The following CST7 variants were observed in gnomAD, a reference collection of about 807,000 sequenced individuals.
CST7 encodes cystatin-F.
CST7 carries 15 observed loss-of-function variants against 13.1 expected under a neutral mutation model. The observed-to-expected ratio is 1.14, with a 90% CI of 0.77 to 1.76. The LOEUF is 1.76. Among genes scored for constraint, CST7 ranks in the 40% most tolerant of loss-of-function variants. The pLI is 0.00. For synonymous variants in CST7, 75 were observed against 66.9 expected (o/e 1.12, Z -0.59); for missense variants, 193 against 178.8 (o/e 1.08, Z -0.45).
Position 24,949,495 on chromosome 20 carries a change from C to A in CST7, c.-11C>A. ...CCCCAACTGCCCCGCACTGTCCCTA[C>A]CCGGGCAGCCATGCGAGCGGCTGGA... On this transcript the variant is annotated 5_prime_UTR_variant, in exon 1 of 4. Transcript: ENST00000480798. 6.2e-7 allele frequency: 1 copy of A among 1,614,122 alleles called. No individual in the cohort carries two copies.
At chr20:24,957,494 A>G (rs1471244481) in intron 2 of CST7, 35 bp downstream of exon 2, 1 of 1,597,714 alleles carries the variant, frequency 6.3e-7, no homozygotes, top group East Asian at 2.2e-5. Context: ...TATCACGGAC[A>G]CCCCTAGGAA....
intron 1 of CST7, among the ~76,000 whole-genome samples, chr20:24,955,052 C>CAA (rs758262037): frequency 1.4e-5 from 1 of 72,270 alleles, no homozygotes. Context: ...ACAACAACAA[C>CAA]AACAAAAAAA....
At position 24,954,355 on chromosome 20, in the gene CST7, C is replaced by T. The variant is rs574038500; in HGVS notation, c.71-2932C>T. 3.2e-4 allele frequency among the ~76,000 whole-genome samples: 49 copies of T among 152,308 alleles called. No individual in the cohort carries two copies. The South Asian group carries it at 5.6e-3, about 17-fold the overall frequency. The stretch of plus-strand genomic sequence containing the variant: ...CTCCCGCTCCCTGCCTTCAGTTGCA[C>T]GGAGCAAACCCAGAGCCCCCTCCCT... On this transcript the variant is annotated intron_variant, in intron 1 of 3. Transcript: ENST00000480798.
intron 3 of CST7, among the ~76,000 whole-genome samples, chr20:24,959,413 CAG>C (rs1404635924): frequency 6.6e-6 from 1 of 152,046 alleles, no homozygotes; most frequent in East Asian, 1.9e-4. Flanking sequence ...CATATCTCTG[CAG>C]AGAGAGCAAG....
At chr20:24,951,302 G>A (rs187556626) in intron 1 of CST7, among the ~76,000 whole-genome samples, 144 of 152,304 alleles carry the variant, frequency 9.5e-4, no homozygotes, top group Middle Eastern at 6.8e-3. Flanking sequence ...GAGGTGGCTC[G>A]GGGAAGGCAC....
Position 24,949,276 on chromosome 20 carries a change from C to T in CST7, c.-230C>T, listed in dbSNP as rs2087803596. 7 of 1,335,532 alleles carry T rather than the reference C, an allele frequency of 5.2e-6. No individual in the cohort carries two copies. The highest frequency in any genetic ancestry group is 6.0e-6 in the Non-Finnish European group (6 of 994,698). 82.7% of individuals were successfully genotyped at this position (1,335,532 alleles called of 1,614,324 possible). ...CCTGGGCTGGGACAGCCCACTGTTC[C>T]ATGCTGCCCAAGAAGGCTCAGCACA... On this transcript the variant is annotated 5_prime_UTR_variant, in exon 1 of 4. Transcript: ENST00000480798.
Position 24,959,715 on chromosome 20 carries a change from C to T in CST7, c.*3C>T. The T allele has an allele frequency of 6.2e-7, 1 of 1,613,850 alleles. No homozygotes were observed. Among genetic ancestry groups the T allele is most frequent in the Non-Finnish European group, 8.5e-7 (1 of 1,179,854 alleles). On this transcript the variant is annotated 3_prime_UTR_variant, in exon 4 of 4. Coordinates refer to ENST00000480798, the MANE Select transcript of CST7 (RefSeq NM_003650.4). ...TGCCTGTTCTCCGTTGTCACTGACC[C>T]CCGCCTCTTCAGCAAGACCACAGCC...
Position 24,958,918 on chromosome 20 carries a change from C to T in CST7, c.244-10C>T. ...TGTGCCCAGTAACCCAGTCCCTTTG[C>T]TCCCTCCAGATAGTGAAAGGCCTGA... On this transcript the variant is annotated splice_polypyrimidine_tract_variant and intron_variant, in intron 2 of 3. Coordinates refer to ENST00000480798, the MANE Select transcript of CST7 (RefSeq NM_003650.4). The T allele has an allele frequency of 6.2e-7, 1 of 1,602,006 alleles. No individual in the cohort carries two copies. Among genetic ancestry groups the T allele is most frequent in the African/African-American group, 1.3e-5 (1 of 74,914 alleles).
At chr20:24,956,739 C>T (rs112507392) in intron 1 of CST7, among the ~76,000 whole-genome samples, 3 of 152,016 alleles carry the variant, frequency 2.0e-5, no homozygotes, top group African/African-American at 4.8e-5. Context: ...ACGAGGACGG[C>T]GCCATCTCCT....
At chr20:24,950,037 A>G (rs968059427) in intron 1 of CST7, among the ~76,000 whole-genome samples, 6 of 151,766 alleles carry the variant, frequency 4.0e-5, no homozygotes, top group African/African-American at 1.5e-4. Flanking sequence ...CCTGAAATCC[A>G]CTCCCTGAGG....
intron 3 of CST7, 141 bp downstream of exon 3, chr20:24,959,185 C>A (rs1488843370): frequency 4.4e-6 from 3 of 687,826 alleles, no homozygotes; most frequent in Non-Finnish European, 7.6e-6. Context: ...TCCCAGACTC[C>A]CGCACGACTG....
intron 1 of CST7, among the ~76,000 whole-genome samples, chr20:24,955,032 A>T (rs1455535911): frequency 1.5e-5 from 2 of 134,168 alleles, no homozygotes; most frequent in Non-Finnish European, 3.1e-5. Context: ...TGAGGAAAGA[A>T]AGCAAAACAA....
chr20:24,949,576 G>C lies in CST7; in HGVS notation c.70+1G>C, dbSNP rs758677555. On this transcript the variant is annotated splice_donor_variant, in intron 1 of 3. Coordinates refer to ENST00000480798, the MANE Select transcript of CST7 (RefSeq NM_003650.4). LOFTEE classifies it high-confidence loss of function. ...AGCACCACTGGGGGCCCTTCCCCAG[G>C]TAAGTGGCGTTCTCCCCTGTCCGCT... The C allele has an allele frequency of 1.2e-6, 2 of 1,614,026 alleles. No homozygotes were observed. Among genetic ancestry groups the C allele is most frequent in the Non-Finnish European group, 1.7e-6 (2 of 1,179,998 alleles).
intron 1 of CST7, among the ~76,000 whole-genome samples, chr20:24,953,895 TCAC>T (rs1254252722): frequency 8.5e-5 from 13 of 152,098 alleles, no homozygotes; most frequent in Admixed American, 8.5e-4. Context: ...ATCGCGGCCA[TCAC>T]CACCATCACC....
intron 1 of CST7, 65 bp downstream of exon 1, chr20:24,949,640 T>G (rs1265452339): frequency 6.3e-7 from 1 of 1,597,354 alleles, no homozygotes; most frequent in Admixed American, 1.7e-5. Flanking sequence ...ACTGGTGCCT[T>G]GGGTCTTCCC....
At chr20:24,951,333 C>A (rs2087817352) in intron 1 of CST7, among the ~76,000 whole-genome samples, 1 of 152,224 alleles carries the variant, frequency 6.6e-6, no homozygotes, top group South Asian at 2.1e-4. Context: ...GCACATGGGG[C>A]ATGGGGTGCT....
Position 24,949,395 on chromosome 20 carries a change from C to T in CST7, c.-111C>T, listed in dbSNP as rs372871405. The T allele has an allele frequency of 3.5e-4, 565 of 1,600,218 alleles. No homozygotes were observed. Among genetic ancestry groups the T allele is most frequent in the Non-Finnish European group, 4.3e-4 (504 of 1,172,404 alleles). On this transcript the variant is annotated 5_prime_UTR_variant, in exon 1 of 4. Transcript: ENST00000480798. ...CCCCACCTGCCCTGCGCCATCTACC[C>T]AAGAAGGCTCGGCACGGGCACCAAC...
At chr20:24,955,958 C>G (rs62215110) in intron 1 of CST7, among the ~76,000 whole-genome samples, 14,024 of 152,262 alleles carry the variant, frequency 0.092, 745 homozygotes, top group Middle Eastern at 0.19. Flanking sequence ...AAGCACAAGG[C>G]AGGCACAGTC....
intron 1 of CST7, among the ~76,000 whole-genome samples, chr20:24,956,368 C>G (rs1395272511): frequency 6.6e-6 from 1 of 152,162 alleles, no homozygotes; most frequent in African/African-American, 2.4e-5. Flanking sequence ...TCCCATTCCC[C>G]AATCACCCTG....
Sources: gnomAD v4.1 joint callset for allele counts (sites outside exome capture counted in the v4.1 genomes callset) on GRCh38, gnomAD v4.1.1 for gene constraint, MANE v1.5 for transcripts, NCBI Gene and HGNC (gene_info 2026-07-23, HGNC 2026-07-21) for gene names.